The following PARD3B variants were observed in gnomAD, a reference collection of about 807,000 sequenced individuals.
The protein encoded by PARD3B is partitioning defective 3 homolog B.
In PARD3B, 103 loss-of-function variants were observed where a neutral mutation model predicts 130.2. The ratio of observed to expected loss-of-function variants is 0.79; its 90% CI spans 0.67 to 0.93. The LOEUF (loss-of-function observed/expected upper bound fraction) is 0.93. Among genes scored for constraint, PARD3B ranks in the 40% least tolerant of loss-of-function variants. The pLI is 0.00. For missense variants in PARD3B, 1,609 were observed against 1,499.2 expected (o/e 1.07, Z -1.21); for synonymous variants, 583 against 553.2 (o/e 1.05, Z -0.76).
intron 2 of PARD3B, among the ~76,000 whole-genome samples, chr2:204,738,178 C>T (rs2039841587): frequency 6.6e-6 from 1 of 152,026 alleles, no homozygotes; most frequent in South Asian, 2.1e-4. Context: ...TGGTCATTTT[C>T]ACAATATTGA....
intron 4 of PARD3B, among the ~76,000 whole-genome samples, chr2:205,067,738 G>A (rs1398626980): frequency 6.6e-6 from 1 of 152,046 alleles, no homozygotes; most frequent in Non-Finnish European, 1.5e-5. Flanking sequence ...TTTTGTTTAT[G>A]AAATGCTATT....
At position 205,473,692 on chromosome 2, in the gene PARD3B, A is replaced by ATATATATATG. The variant is rs1553520408; in HGVS notation, c.3045-26195_3045-26194insGTATATATAT. On this transcript the variant is annotated intron_variant, in intron 20 of 22. Transcript: ENST00000406610. The surrounding 1 kb of genome is among the most constrained non-coding windows in gnomAD (Gnocchi z 4.9). The stretch of plus-strand genomic sequence containing the variant: ...TGTGTGTGTGTGTGTATGTATATAT[A>ATATATATATG]TATATATATATATATATACACACAC... Among the ~76,000 whole-genome samples the ATATATATATG allele has an allele frequency of 1.2e-4, 16 of 137,822 alleles. No individual in the cohort carries two copies. Among genetic ancestry groups the ATATATATATG allele is most frequent in the African/African-American group, 4.7e-4 (16 of 33,738 alleles). The allele number at this position is 137,822 out of a possible 152,430, so 90.4% of individuals were successfully genotyped here.
intron 19 of PARD3B, among the ~76,000 whole-genome samples, chr2:205,409,423 T>C (rs1391031406): frequency 6.6e-6 from 1 of 152,172 alleles, no homozygotes; most frequent in Non-Finnish European, 1.5e-5. Context: ...AGCTTTAATA[T>C]CTTTACATTT....
At position 205,139,455 on chromosome 2, in the gene PARD3B, C is replaced by A. The variant is rs113856771; in HGVS notation, c.1434+13718C>A. Among the ~76,000 whole-genome samples the A allele has an allele frequency of 3.0e-3, 464 of 152,240 alleles. 6 individuals carry two copies. The East Asian group carries it at 0.032, about 11-fold the overall frequency. ...GTCAACACTAGCAACTTGTTGGAAA[C>A]TGGGCGTATATTTTCAGTGTAATTA... On this transcript the variant is annotated intron_variant, in intron 10 of 22. Transcript: ENST00000406610.
In PARD3B at chr2:205,238,740, G is replaced by T. The variant is rs1352635602; in HGVS notation, c.2141-7038G>T. Among the ~76,000 whole-genome samples, 3 of 146,972 alleles carry T rather than the reference G, an allele frequency of 2.0e-5. No individual in the cohort carries two copies. The East Asian group carries it at 6.1e-4, about 30-fold the overall frequency. ...CCAGATACTTGGGAGGCTGAGGCAG[G>T]AGAATCACTTAAACCCAGGAGGCAG... On this transcript the variant is annotated intron_variant, in intron 15 of 22. Transcript: ENST00000406610.
intron 3 of PARD3B, among the ~76,000 whole-genome samples, chr2:205,019,298 T>C (rs1696414615): frequency 6.6e-6 from 1 of 152,206 alleles, no homozygotes; most frequent in Non-Finnish European, 1.5e-5. Flanking sequence ...TCATCCATGC[T>C]GTAGCAAGTA....
At chr2:205,080,241 A>G (rs978888241) in intron 4 of PARD3B, among the ~76,000 whole-genome samples, 4 of 152,120 alleles carry the variant, frequency 2.6e-5, no homozygotes, top group Non-Finnish European at 4.4e-5. Flanking sequence ...TCAACTTTAC[A>G]GAATATCTAC....
intron 18 of PARD3B, among the ~76,000 whole-genome samples, chr2:205,335,645 A>G (rs1369318290): frequency 6.6e-6 from 1 of 151,304 alleles, no homozygotes; most frequent in Non-Finnish European, 1.5e-5. Context: ...GACTGGGGAA[A>G]AAAAAAAAGA....
chr2:205,606,650 G>A (rs1253281226), intron 22 of PARD3B, among the ~76,000 whole-genome samples: 1 of 152,034 alleles, frequency 6.6e-6, no homozygotes, highest in African/African-American at 2.4e-5. Context: ...ACCCTCTCTA[G>A]ACCAACCTTC....
chr2:204,642,868 C>G (rs79303336), intron 1 of PARD3B, among the ~76,000 whole-genome samples: 1 of 151,392 alleles, frequency 6.6e-6, no homozygotes, highest in Non-Finnish European at 1.5e-5. Flanking sequence ...AATCCCAGCA[C>G]TTTGGGAGGC....
Position 204,985,857 on chromosome 2 carries a change from T to G in PARD3B, c.394+20534T>G, listed in dbSNP as rs965780516. On this transcript the variant is annotated intron_variant, in intron 3 of 22. Transcript: ENST00000406610. ...GGCTCACATCTGTAATCCCAGCACT[T>G]TAGGAGGCCGAGGTGGGTGGATTGC... Among the ~76,000 whole-genome samples the G allele has an allele frequency of 4.6e-5, 7 of 152,008 alleles. 1 individual carries two copies. Among genetic ancestry groups the G allele is most frequent in the African/African-American group, 1.4e-4 (6 of 41,380 alleles).
intron 21 of PARD3B, among the ~76,000 whole-genome samples, chr2:205,546,076 T>G (rs1250999480): frequency 6.6e-6 from 1 of 152,206 alleles, no homozygotes; most frequent in African/African-American, 2.4e-5. Flanking sequence ...ATTGAGTGAA[T>G]GAAACTGGGA....
chr2:205,158,578 C>T lies in PARD3B; in HGVS notation c.1435-144C>T, dbSNP rs1354033394. On this transcript the variant is annotated intron_variant, in intron 10 of 22. Coordinates refer to ENST00000406610, the MANE Select transcript of PARD3B (RefSeq NM_001302769.2). This position sits in a 1 kb window ranked among gnomAD's most constrained non-coding sequence, Gnocchi z 5.4. ...GCTCCTTGTGGAGAGCTAAACCCAG[C>T]CTTTGCCTGCCAGGAGCCGATTACA... 7.6e-6 allele frequency: 6 copies of T among 791,578 alleles called. No individual in the cohort carries two copies. The highest frequency in any genetic ancestry group is 7.6e-5 in the Admixed American group (3 of 39,700). The allele number at this position is 791,578 out of a possible 1,614,324, so 49.0% of individuals were successfully genotyped here.
intron 21 of PARD3B, among the ~76,000 whole-genome samples, chr2:205,505,106 T>C (rs1296875141): frequency 6.6e-6 from 1 of 152,186 alleles, no homozygotes; most frequent in Non-Finnish European, 1.5e-5. Flanking sequence ...TGGATGAAGC[T>C]GGAAACCATC....
intron 2 of PARD3B, among the ~76,000 whole-genome samples, chr2:204,881,922 A>C (rs2046068080): frequency 6.6e-6 from 1 of 152,184 alleles, no homozygotes; most frequent in Admixed American, 6.5e-5. Context: ...GCTAGTTCCA[A>C]GAATCAGCAT....
chr2:205,206,655 T>G (rs1319443592), intron 15 of PARD3B, among the ~76,000 whole-genome samples: 1 of 151,834 alleles, frequency 6.6e-6, no homozygotes, highest in Non-Finnish European at 1.5e-5. Context: ...TTTGCTATTG[T>G]GAATAATGCC....
chr2:204,638,111 GTT>G (rs971102941), intron 1 of PARD3B, among the ~76,000 whole-genome samples: 2 of 152,036 alleles, frequency 1.3e-5, no homozygotes, highest in Non-Finnish European at 2.9e-5. Flanking sequence ...CAAACTATGC[GTT>G]TTCTTATACA....
intron 18 of PARD3B, among the ~76,000 whole-genome samples, chr2:205,381,150 TA>T (rs2045420393): frequency 2.6e-5 from 3 of 115,672 alleles, no homozygotes; most frequent in Admixed American, 2.3e-4. Flanking sequence ...ATATAATATA[TA>T]TAATATATAT....
chr2:205,453,775 T>C (rs2106203377), intron 20 of PARD3B, among the ~76,000 whole-genome samples: 1 of 152,354 alleles, frequency 6.6e-6, no homozygotes, highest in East Asian at 1.9e-4. Flanking sequence ...GCATTACATA[T>C]ACTGTAAGTA....
Sources: gnomAD v4.1 joint callset for allele counts (sites outside exome capture counted in the v4.1 genomes callset) on GRCh38, gnomAD v4.1.1 for gene constraint, Gnocchi (gnomAD v3.1) non-coding constraint, MANE v1.5 for transcripts, NCBI Gene and HGNC (gene_info 2026-07-23, HGNC 2026-07-21) for gene names.